The following DNAJC8 variants were observed in gnomAD, a reference collection of about 807,000 sequenced individuals.
DNAJC8 encodes dnaJ homolog subfamily C member 8.
DNAJC8 carries 24 observed loss-of-function variants against 43.2 expected under a neutral mutation model. The observed-to-expected ratio is 0.56, with a 90% confidence interval of 0.40 to 0.78. DNAJC8 has a LOEUF of 0.78. Among genes scored for constraint, DNAJC8 ranks in the 30% least tolerant of loss-of-function variants. DNAJC8 has a pLI of 0.00. For synonymous variants in DNAJC8, 83 were observed against 98.0 expected (o/e 0.85, Z 0.90); for missense variants, 207 against 299.4 (o/e 0.69, Z 2.28).
At chr1:28,213,798 G>A (rs975423546) in intron 3 of DNAJC8, among the ~76,000 whole-genome samples, 8 of 152,064 alleles carry the variant, frequency 5.3e-5, no homozygotes, top group African/African-American at 1.9e-4. Context: ...CCAGCAGATC[G>A]CTTGAGCCCA....
chr1:28,232,803 A>G (rs1646989772), intron 1 of DNAJC8, 118 bp downstream of exon 1: 1 of 1,085,892 alleles, frequency 9.2e-7, no homozygotes, highest in South Asian at 1.4e-5. Context: ...GCCACCCCGA[A>G]GACTGGACTG....
Position 28,226,533 on chromosome 1 carries a change from A to G in DNAJC8, c.180+2389T>C, listed in dbSNP as rs575596411. ...AATTTTAGAAAGAAATAAACTAGCT[A>G]AACTATTCCACAATAAAGAAATGAT... On this transcript the variant is annotated intron_variant, in intron 2 of 8. Transcript: ENST00000263697. 3.1e-3 allele frequency among the ~76,000 whole-genome samples: 468 copies of G among 149,244 alleles called. 19 individuals carry two copies. Among genetic ancestry groups the G allele is most frequent in the African/African-American group, 0.011 (430 of 40,630 alleles).
Position 28,200,496 on chromosome 1 carries a change from G to T in DNAJC8, c.*752C>A, listed in dbSNP as rs935768862. 2.2e-6 allele frequency: 1 copy of T among 456,360 alleles called. No homozygotes were observed. The highest frequency in any genetic ancestry group is 4.4e-6 in the Non-Finnish European group (1 of 226,816). The allele number at this position is 456,360 out of a possible 1,614,324, so 28.3% of individuals were successfully genotyped here. A position where few individuals can be genotyped will look rare whatever the true frequency, so the allele number is the denominator to read the frequency against. ...CTGTCCAACCCCAAAGCATTTTGGGGTTCAGCCAAGCCAGACAAGGGACCC... is the reference window on the plus strand; with the variant it reads ...CTGTCCAACCCCAAAGCATTTTGGGTTTCAGCCAAGCCAGACAAGGGACCC... On this transcript the variant is annotated 3_prime_UTR_variant, in exon 9 of 9. Coordinates refer to ENST00000263697, the MANE Select transcript of DNAJC8 (RefSeq NM_014280.3).
intron 2 of DNAJC8, among the ~76,000 whole-genome samples, chr1:28,216,544 A>AT (rs1646856026): frequency 6.6e-6 from 1 of 152,130 alleles, no homozygotes; most frequent in African/African-American, 2.4e-5. Flanking sequence ...ACCCTGATTG[A>AT]TTTTTTAAAA....
chr1:28,217,281 GGA>G (rs1464166117), intron 2 of DNAJC8, among the ~76,000 whole-genome samples: 1 of 151,952 alleles, frequency 6.6e-6, no homozygotes, highest in Non-Finnish European at 1.5e-5. Flanking sequence ...GTAAGTGCGT[GGA>G]GCACACAACC....
At chr1:28,202,887 A>G (rs527372011) in intron 8 of DNAJC8, among the ~76,000 whole-genome samples, 1 of 152,226 alleles carries the variant, frequency 6.6e-6, no homozygotes, top group East Asian at 1.9e-4. Flanking sequence ...CGGCCAGCAT[A>G]TGGTATTTCT....
At chr1:28,214,228 T>G (rs1311552689) in intron 3 of DNAJC8, among the ~76,000 whole-genome samples, 1 of 152,112 alleles carries the variant, frequency 6.6e-6, no homozygotes, top group African/African-American at 2.4e-5. Context: ...GGTATTCATT[T>G]AAGTTGGCAA....
At chr1:28,222,311 C>T (rs1378051673) in intron 2 of DNAJC8, among the ~76,000 whole-genome samples, 3 of 151,624 alleles carry the variant, frequency 2.0e-5, no homozygotes, top group African/African-American at 7.3e-5. Context: ...CATGGTGAAA[C>T]CCCATCTCTA....
At chr1:28,212,174 T>TATATATATAC (rs1646816776) in intron 3 of DNAJC8, among the ~76,000 whole-genome samples, 1 of 27,478 alleles carries the variant, frequency 3.6e-5, no homozygotes, top group African/African-American at 1.4e-4. Context: ...AATAAATATA[T>TATATATATAC]ATATATATAT....
At chr1:28,212,194 TATATATATATATATATATATAA>T (rs1179124987) in intron 3 of DNAJC8, among the ~76,000 whole-genome samples, 3 of 115,504 alleles carry the variant, frequency 2.6e-5, no homozygotes, top group African/African-American at 1.1e-4. Context: ...TATATATATA[TATATATATATATATATATATAA>T]ATGAAATTAA....
intron 1 of DNAJC8, 52 bp downstream of exon 1, chr1:28,232,869 G>A: frequency 6.3e-7 from 1 of 1,590,828 alleles, no homozygotes. Context: ...CACTGGGAAA[G>A]CAGATCCGGG....
chr1:28,215,568 G>C (rs183701340), intron 2 of DNAJC8, among the ~76,000 whole-genome samples: 1 of 150,930 alleles, frequency 6.6e-6, no homozygotes, highest in Non-Finnish European at 1.5e-5. Flanking sequence ...ATGGAGTCTC[G>C]CTCTTATTGC....
At chr1:28,218,535 G>A (rs1185385667) in intron 2 of DNAJC8, among the ~76,000 whole-genome samples, 5 of 151,950 alleles carry the variant, frequency 3.3e-5, no homozygotes, top group Non-Finnish European at 4.4e-5. Context: ...TCTGGTCTCA[G>A]CCTCTTGAGC....
rs375175168 is a variant in DNAJC8, at chr1:28,227,104, CTTTTTTTTTTTTT to C, written c.180+1805_180+1817del. Among the ~76,000 whole-genome samples the C allele has an allele frequency of 1.1e-3, 101 of 95,142 alleles. 3 individuals carry two copies. The highest frequency in any genetic ancestry group is 3.6e-3 in the African/African-American group (92 of 25,486). The allele number at this position is 95,142 out of a possible 152,430, so 62.4% of individuals were successfully genotyped here. A position where few individuals can be genotyped will look rare whatever the true frequency, so the allele number is the denominator to read the frequency against. ...AAAAAAAAAGAATTTCTCTCTCTCT[CTTTTTTTTTTTTT>C]TTTTTTTTTGGACAGGCGCGGTGGC... On this transcript the variant is annotated intron_variant, in intron 2 of 8. Transcript: ENST00000263697.
At chr1:28,208,120 C>T (rs1553167671) in intron 6 of DNAJC8, among the ~76,000 whole-genome samples, 1 of 152,108 alleles carries the variant, frequency 6.6e-6, no homozygotes, top group South Asian at 2.1e-4. Flanking sequence ...GCAGAAGAAT[C>T]GTTTGAACCC....
At chr1:28,228,801 C>T in intron 2 of DNAJC8, 121 bp downstream of exon 2, 1 of 799,704 alleles carries the variant, frequency 1.3e-6, no homozygotes, top group Non-Finnish European at 2.0e-6. Flanking sequence ...CATCACTTTA[C>T]TCCACCATTT....
At chr1:28,213,659 G>A (rs780886869) in intron 3 of DNAJC8, among the ~76,000 whole-genome samples, 7 of 152,072 alleles carry the variant, frequency 4.6e-5, no homozygotes, top group Non-Finnish European at 1.0e-4. Flanking sequence ...TTTTTTAAAA[G>A]ACATGGAATA....
At chr1:28,214,274 C>T (rs559118590) in intron 3 of DNAJC8, among the ~76,000 whole-genome samples, 10 of 152,132 alleles carry the variant, frequency 6.6e-5, no homozygotes, top group African/African-American at 1.7e-4. Flanking sequence ...TGGCTCACAC[C>T]GGTAATTCCT....
chr1:28,201,386 G>A lies in DNAJC8; in HGVS notation c.640-16C>T. ...CTCGACTTTCCTAAGTACAAAAGAAGTTTGAGGTGAGGAGACCAGTCAATG... is the reference window on the plus strand; with the variant it reads ...CTCGACTTTCCTAAGTACAAAAGAAATTTGAGGTGAGGAGACCAGTCAATG... On this transcript the variant is annotated splice_polypyrimidine_tract_variant and intron_variant, in intron 8 of 8. Coordinates refer to ENST00000263697, the MANE Select transcript of DNAJC8 (RefSeq NM_014280.3). 6.2e-7 allele frequency: 1 copy of A among 1,613,694 alleles called. No individual in the cohort carries two copies. The highest frequency in any genetic ancestry group is 8.5e-7 in the Non-Finnish European group (1 of 1,179,988).
Sources: allele counts gnomAD v4.1 joint callset (sites outside exome capture counted in the v4.1 genomes callset), GRCh38; gene constraint gnomAD v4.1.1; transcripts MANE v1.5; gene names NCBI Gene and HGNC (gene_info 2026-07-23, HGNC 2026-07-21).